Variants in TTBK2 observed in about 807,000 individuals in gnomAD.
TTBK2 encodes the protein tau-tubulin kinase 2.
TTBK2 carries 28 observed loss-of-function variants against 110.8 expected under a neutral mutation model. The observed-to-expected ratio is 0.25, with a 90% confidence interval of 0.19 to 0.35. TTBK2 has a LOEUF of 0.35. Among genes scored for constraint, TTBK2 ranks in the 10% least tolerant of loss-of-function variants. TTBK2 has a pLI of 1.00. For missense variants in TTBK2, 1,369 were observed against 1,500.3 expected (o/e 0.91, Z 1.45); for synonymous variants, 532 against 527.3 (o/e 1.01, Z -0.12).
intron 1 of TTBK2, among the ~76,000 whole-genome samples, chr15:42,879,481 C>T (rs1048220574): frequency 2.0e-5 from 3 of 152,030 alleles, no homozygotes; most frequent in Admixed American, 2.0e-4. Context: ...CAGGAGTCAG[C>T]AAACTTTTTC....
chr15:42,821,854 C>T (rs1892319025), intron 6 of TTBK2, among the ~76,000 whole-genome samples: 1 of 151,896 alleles, frequency 6.6e-6, no homozygotes, highest in South Asian at 2.1e-4. Context: ...CCACACCCAG[C>T]TAATTTTTTG....
At chr15:42,844,978 T>C (rs1217007464) in intron 3 of TTBK2, among the ~76,000 whole-genome samples, 1 of 152,182 alleles carries the variant, frequency 6.6e-6, no homozygotes, top group Non-Finnish European at 1.5e-5. Flanking sequence ...ACAGCCAAGA[T>C]ACGTAAACAA....
chr15:42,900,667 G>A (rs1009799019), intron 1 of TTBK2, among the ~76,000 whole-genome samples: 1 of 152,040 alleles, frequency 6.6e-6, no homozygotes, highest in Non-Finnish European at 1.5e-5. Context: ...GGTTGCAGCA[G>A]TGAGCCGAGA....
At chr15:42,848,059 T>G (rs1472519984) in intron 3 of TTBK2, among the ~76,000 whole-genome samples, 4 of 152,208 alleles carry the variant, frequency 2.6e-5, no homozygotes, top group Non-Finnish European at 5.9e-5. Context: ...CTAGGTGTTT[T>G]TTAATTGACA....
At chr15:42,828,386 C>CA (rs763629302) in intron 5 of TTBK2, among the ~76,000 whole-genome samples, 281 of 119,264 alleles carry the variant, frequency 2.4e-3, no homozygotes, top group Admixed American at 4.2e-3. Flanking sequence ...AGAGATGGAC[C>CA]AAAAAAAAAA....
At chr15:42,798,913 C>T (rs1891058407) in intron 9 of TTBK2, among the ~76,000 whole-genome samples, 1 of 152,164 alleles carries the variant, frequency 6.6e-6, no homozygotes, top group African/African-American at 2.4e-5. Flanking sequence ...AAAAATGCTA[C>T]ACAGGTTGAG....
chr15:42,809,010 TGAGTA>T (rs1891595240), intron 9 of TTBK2, among the ~76,000 whole-genome samples: 1 of 152,254 alleles, frequency 6.6e-6, no homozygotes, highest in Non-Finnish European at 1.5e-5. Flanking sequence ...AGATGAAGAC[TGAGTA>T]GAGAAACAAG....
chr15:42,835,503 A>G (rs771823315), intron 4 of TTBK2, among the ~76,000 whole-genome samples: 34 of 152,230 alleles, frequency 2.2e-4, no homozygotes, highest in Non-Finnish European at 1.9e-4. Context: ...ATCAACAACA[A>G]TAAACACAAT....
intron 9 of TTBK2, among the ~76,000 whole-genome samples, chr15:42,800,775 A>C (rs1891153027): frequency 6.6e-6 from 1 of 150,814 alleles, no homozygotes; most frequent in Admixed American, 6.6e-5. Flanking sequence ...AAAAAAAAAA[A>C]GCAATTGAAT....
At chr15:42,841,051 C>T (rs1893199583) in intron 3 of TTBK2, among the ~76,000 whole-genome samples, 1 of 152,160 alleles carries the variant, frequency 6.6e-6, no homozygotes, top group South Asian at 2.1e-4. Context: ...TTTTTCAACC[C>T]TGGCTACTTA....
intron 13 of TTBK2, among the ~76,000 whole-genome samples, chr15:42,772,454 G>T (rs758490862): frequency 4.6e-5 from 7 of 152,092 alleles, no homozygotes; most frequent in Non-Finnish European, 8.8e-5. Flanking sequence ...ACCACCTCAT[G>T]AGAGACCACA....
intron 13 of TTBK2, among the ~76,000 whole-genome samples, chr15:42,764,481 C>T (rs961804010): frequency 6.6e-5 from 10 of 152,280 alleles, no homozygotes; most frequent in African/African-American, 2.2e-4. Flanking sequence ...GCGGGTCCCA[C>T]GCCCACGGAG....
chr15:42,890,312 A>C (rs976353776), intron 1 of TTBK2, among the ~76,000 whole-genome samples: 1 of 152,216 alleles, frequency 6.6e-6, no homozygotes, highest in African/African-American at 2.4e-5. Flanking sequence ...CTTGTTGCTC[A>C]CACAAACCTG....
chr15:42,798,694 C>T (rs546361949), intron 9 of TTBK2, among the ~76,000 whole-genome samples: 2 of 152,208 alleles, frequency 1.3e-5, no homozygotes, highest in African/African-American at 2.4e-5. Flanking sequence ...TACTGTAAGG[C>T]TATTCCCAGA....
At chr15:42,806,426 T>A (rs1279319180) in intron 9 of TTBK2, among the ~76,000 whole-genome samples, 2 of 152,220 alleles carry the variant, frequency 1.3e-5, no homozygotes, top group Admixed American at 1.3e-4. Flanking sequence ...ACAAATTGGA[T>A]CACCATGCTC....
chr15:42,787,609 G>A (rs909672694), intron 10 of TTBK2, among the ~76,000 whole-genome samples: 3 of 152,124 alleles, frequency 2.0e-5, no homozygotes, highest in Non-Finnish European at 2.9e-5. Flanking sequence ...TAACTTTATA[G>A]TAGAAAGAAC....
At chr15:42,802,126 T>C (rs879450158) in intron 9 of TTBK2, 1 of 1,442,748 alleles carries the variant, frequency 6.9e-7, no homozygotes, top group Non-Finnish European at 9.7e-7. Flanking sequence ...GTTGAGGGTC[T>C]TGATCTGCTT....
rs570976750 is a variant in TTBK2, at chr15:42,752,019, C to T, written c.3227G>A (p.Arg1076Gln). Residue 1076 changes from arginine to glutamine, a missense_variant, in exon 14 of 15, where the codon CGG becomes CAG. Around this residue, in one of 4 missense-constraint regions of TTBK2, gnomAD observed 1,097 missense variants for 1,114.7 expected, o/e 0.98. Coordinates refer to ENST00000267890, the MANE Select transcript of TTBK2 (RefSeq NM_173500.4). Reference sequence around the variant, plus strand: ...CGTGGGTGGCTTTCCTGGTGGTGGCCGAGGAAAGAACTGAGACGAAGTTGA... The same window carrying T: ...CGTGGGTGGCTTTCCTGGTGGTGGCTGAGGAAAGAACTGAGACGAAGTTGA... ...NSSTSSQFFPRPPPGKPPTRP... is the reference protein window; with the variant it reads ...NSSTSSQFFPQPPPGKPPTRP... 30 of 1,613,922 alleles carry T rather than the reference C, an allele frequency of 1.9e-5. No homozygotes were observed. Among genetic ancestry groups the T allele is most frequent in the African/African-American group, 2.7e-5 (2 of 74,864 alleles).
intron 1 of TTBK2, among the ~76,000 whole-genome samples, chr15:42,885,189 G>A (rs1895193634): frequency 1.3e-5 from 2 of 152,152 alleles, no homozygotes; most frequent in African/African-American, 4.8e-5. Context: ...TGAGACATTT[G>A]GTGCCAAAGA....
Sources: gnomAD v4.1 joint callset for allele counts (sites outside exome capture counted in the v4.1 genomes callset) on GRCh38, gnomAD v4.1.1 for gene constraint, gnomAD v4.1.1 regional missense constraint, MANE v1.5 for transcripts, NCBI Gene and HGNC (gene_info 2026-07-23, HGNC 2026-07-21) for gene names.